Variants in PPP2R5C observed in about 807,000 individuals in gnomAD.
PPP2R5C encodes the protein serine/threonine-protein phosphatase 2A 56 kDa regulatory subunit gamma isoform.
A neutral mutation model predicts 68.9 loss-of-function variants in PPP2R5C; 7 were observed. The ratio of observed to expected loss-of-function variants is 0.10; its 90% CI spans 0.06 to 0.19. PPP2R5C has a LOEUF of 0.19. PPP2R5C is among the 10% of genes least tolerant of loss of function. PPP2R5C has a pLI of 1.00. For synonymous variants in PPP2R5C, 210 were observed against 222.2 expected (o/e 0.95, Z 0.49); for missense variants, 348 against 641.3 (o/e 0.54, Z 4.94).
intron 1 of PPP2R5C, among the ~76,000 whole-genome samples, chr14:101,855,707 A>T (rs1184025029): frequency 6.6e-6 from 1 of 152,184 alleles, no homozygotes; most frequent in African/African-American, 2.4e-5. Context: ...GTCACCACTG[A>T]TCTCCTCTTC....
chr14:101,807,547 G>T (rs2039124743), upstream of PPP2R5C, among the ~76,000 whole-genome samples: 1 of 152,124 alleles, frequency 6.6e-6, no homozygotes, highest in Non-Finnish European at 1.5e-5. Context: ...AGATCAGTTT[G>T]GGGGGAAATT....
At chr14:101,810,305 C>G (rs1220746948) in intron 1 of PPP2R5C, 1 of 401,840 alleles carries the variant, frequency 2.5e-6, no homozygotes, top group African/African-American at 2.1e-5. Flanking sequence ...CCTTTCAAAG[C>G]TGTGCTGATG....
chr14:101,769,881 G>C (rs1482440335), intron 2 of PPP2R5C, among the ~76,000 whole-genome samples: 2 of 152,126 alleles, frequency 1.3e-5, no homozygotes, highest in African/African-American at 4.8e-5. Flanking sequence ...GTGTTGTTAG[G>C]CAATGTTGTT....
At chr14:101,894,344 A>G (rs76894879) in intron 7 of PPP2R5C, among the ~76,000 whole-genome samples, 163 bp from the exon 10 acceptor site, 1,659 of 152,084 alleles carry the variant, frequency 0.011, 7 homozygotes, top group Middle Eastern at 0.034. Context: ...ATCTATCACC[A>G]ATTAATGGGC....
rs1046254933 is a variant in PPP2R5C, at chr14:101,877,104, A to G, written c.295-5057A>G. ...GCTGGGATTACAGGCACCCACCACC[A>G]CACCCAGCTAAGTTTTGTATTTTTA... On this transcript the variant is annotated intron_variant, in intron 2 of 13. Transcript: ENST00000334743. The surrounding 1 kb of genome is among the most constrained non-coding windows in gnomAD (Gnocchi z 4.2). Among the ~76,000 whole-genome samples the G allele has an allele frequency of 4.0e-5, 6 of 151,626 alleles. No homozygotes were observed. The highest frequency in any genetic ancestry group is 8.8e-5 in the Non-Finnish European group (6 of 67,904).
chr14:101,864,240 AG>A (rs1227105768), intron 2 of PPP2R5C, among the ~76,000 whole-genome samples: 2 of 152,212 alleles, frequency 1.3e-5, no homozygotes, highest in Non-Finnish European at 2.9e-5. Context: ...AGATCAGAAA[AG>A]GAATTGCTTG....
intron 1 of PPP2R5C, among the ~76,000 whole-genome samples, chr14:101,837,453 G>A (rs2041185010): frequency 6.6e-6 from 1 of 152,100 alleles, no homozygotes; most frequent in South Asian, 2.1e-4. Flanking sequence ...GACCCTCATG[G>A]TATAAGTTTT....
At position 101,836,687 on chromosome 14, in the gene PPP2R5C, A is replaced by C. The variant is rs184016738; in HGVS notation, c.95-19999A>C. 6 of 302,168 alleles carry C rather than the reference A, an allele frequency of 2.0e-5. No homozygotes were observed. In the East Asian group the frequency reaches 3.8e-4, roughly 19 times the overall value. 18.7% of individuals were successfully genotyped at this position (302,168 alleles called of 1,614,324 possible). ...TTACTCTAAGTAACAAATTAAACAC[A>C]CATGGATCTTCTAACTTTGGCTTTA... On this transcript the variant is annotated intron_variant, in intron 1 of 13. Coordinates refer to ENST00000334743, the Ensembl canonical transcript of PPP2R5C.
chr14:101,810,039 A>G (rs1190974557), intron 1 of PPP2R5C: 1 of 1,612,944 alleles, frequency 6.2e-7, no homozygotes, highest in Admixed American at 1.7e-5. Context: ...TATTCGAGGT[A>G]AGTTATTGTG....
At chr14:101,869,844 G>C (rs917781563) in intron 2 of PPP2R5C, among the ~76,000 whole-genome samples, 1 of 151,990 alleles carries the variant, frequency 6.6e-6, no homozygotes, top group South Asian at 2.1e-4. Flanking sequence ...TAGAGACAAG[G>C]TCTCACTGTG....
intron 1 of PPP2R5C, among the ~76,000 whole-genome samples, chr14:101,845,814 AT>A (rs1392128494): frequency 6.6e-6 from 1 of 152,208 alleles, no homozygotes; most frequent in Non-Finnish European, 1.5e-5. Context: ...ACCTTGGTAC[AT>A]GTGTACAACA....
chr14:101,912,755 C>T (rs1297851192), intron 12 of PPP2R5C: 2 of 345,442 alleles, frequency 5.8e-6, no homozygotes, highest in Non-Finnish European at 9.5e-6. Context: ...TTGAATACAG[C>T]CTGAGACTGT....
At chr14:101,904,836 T>C (rs1209772926) in intron 9 of PPP2R5C, among the ~76,000 whole-genome samples, 2 of 152,198 alleles carry the variant, frequency 1.3e-5, no homozygotes, top group Non-Finnish European at 2.9e-5. Context: ...CAGGTGAAGC[T>C]CCTCTTCCCA....
At position 101,835,807 on chromosome 14, in the gene PPP2R5C, GCC is replaced by G. The variant is rs1166576228; in HGVS notation, c.95-20877_95-20876del. ...TGCAGATCACCAGGTGCTCCGAGCT[GCC>G]CTGCCTGGGCTCAGGCATCAGCACG... On this transcript the variant is annotated intron_variant, in intron 1 of 13. Coordinates refer to ENST00000334743, the Ensembl canonical transcript of PPP2R5C. This position sits in a 1 kb window ranked among gnomAD's most constrained non-coding sequence, Gnocchi z 5.0. Among the ~76,000 whole-genome samples, 3 of 152,202 alleles carry G rather than the reference GCC, an allele frequency of 2.0e-5. No homozygotes were observed. Among genetic ancestry groups the G allele is most frequent in the Non-Finnish European group, 2.9e-5 (2 of 68,030 alleles).
At chr14:101,849,047 G>A (rs1041512124) in intron 1 of PPP2R5C, among the ~76,000 whole-genome samples, 43 of 152,166 alleles carry the variant, frequency 2.8e-4, no homozygotes, top group African/African-American at 1.0e-3. Context: ...CCCCTTTGAT[G>A]CAACAGTATT....
Position 101,891,617 on chromosome 14 carries a change from G to A in PPP2R5C, c.689+1321G>A, listed in dbSNP as rs987183792. ...TGTGCGTAGGGCCCCCGTGTGCATAGGGCCGCCGGGCAGCTCCCGCCGAGA... is the reference window on the plus strand; with the variant it reads ...TGTGCGTAGGGCCCCCGTGTGCATAAGGCCGCCGGGCAGCTCCCGCCGAGA... On this transcript the variant is annotated intron_variant, in intron 6 of 13. Coordinates refer to ENST00000334743, the Ensembl canonical transcript of PPP2R5C. This position sits in a 1 kb window ranked among gnomAD's most constrained non-coding sequence, Gnocchi z 4.9. Among the ~76,000 whole-genome samples the A allele has an allele frequency of 1.2e-4, 19 of 152,238 alleles. No homozygotes were observed. The highest frequency in any genetic ancestry group is 4.6e-4 in the African/African-American group (19 of 41,530).
At chr14:101,885,291 T>A (rs1678028) in intron 5 of PPP2R5C, among the ~76,000 whole-genome samples, 20,724 of 151,378 alleles carry the variant, frequency 0.14, 1,718 homozygotes, top group African/African-American at 0.21. Context: ...AGACCCCCCC[T>A]GCCAAAACCC....
chr14:101,784,344 C>CA (rs2037983715), intron 2 of PPP2R5C, among the ~76,000 whole-genome samples: 1 of 152,110 alleles, frequency 6.6e-6, no homozygotes, highest in South Asian at 2.1e-4. Context: ...TTCATTTTCA[C>CA]ACAGCTATAA....
At chr14:101,790,816 C>T (rs932740945) in intron 3 of PPP2R5C, among the ~76,000 whole-genome samples, 1 of 152,218 alleles carries the variant, frequency 6.6e-6, no homozygotes, top group Non-Finnish European at 1.5e-5. Flanking sequence ...CACCGTGGCT[C>T]ACGCCTGTAA....
Sources: allele counts gnomAD v4.1 joint callset (sites outside exome capture counted in the v4.1 genomes callset), GRCh38; gene constraint gnomAD v4.1.1; non-coding constraint Gnocchi (gnomAD v3.1); transcripts MANE v1.5; gene names NCBI Gene and HGNC (gene_info 2026-07-23, HGNC 2026-07-21).